The following SWAP70 variants were observed in gnomAD, a reference collection of about 807,000 sequenced individuals.
SWAP70 encodes switching B cell complex subunit SWAP70.
In SWAP70, 34 loss-of-function variants were observed where a neutral mutation model predicts 80.2. The ratio of observed to expected loss-of-function variants is 0.42; its 90% CI spans 0.32 to 0.56. The LOEUF is 0.56. Ranked by LOEUF, SWAP70 falls within the 20% of genes least tolerant of loss-of-function variation. The probability of loss-of-function intolerance (pLI) is 0.09; values close to 1 mark genes in which losing one functional copy is unlikely to be tolerated. For synonymous variants in SWAP70, 239 were observed against 238.5 expected, an observed-to-expected ratio of 1.00 and a Z score of -0.02; for missense variants, 578 against 690.7, an observed-to-expected ratio of 0.84 and a Z score of 1.83.
intron 1 of SWAP70, among the ~76,000 whole-genome samples, chr11:9,687,146 C>T (rs549075465): frequency 6.6e-5 from 10 of 152,210 alleles, no homozygotes; most frequent in East Asian, 1.9e-4. Context: ...TACGCAATTC[C>T]GTGTAGAAAT....
Position 9,698,097 on chromosome 11 carries a change from TTTG to T in SWAP70, c.240+3814_240+3816del, listed in dbSNP as rs1272005722. ...CACCATGCCTGGCCAATACATGTTT[TTTG>T]TTTTTTTTTTTTTTTTTTGAGACCA... On this transcript the variant is annotated intron_variant, in intron 2 of 11. Transcript: ENST00000318950. Among the ~76,000 whole-genome samples the T allele has an allele frequency of 3.0e-4, 40 of 133,516 alleles. 1 individual carries two copies. Among genetic ancestry groups the T allele is most frequent in the African/African-American group, 1.1e-3 (36 of 32,912 alleles). The allele number at this position is 133,516 out of a possible 152,430, so 87.6% of individuals were successfully genotyped here. A position where few individuals can be genotyped will look rare whatever the true frequency, so the allele number is the denominator to read the frequency against.
rs201181416 is a variant in SWAP70, at chr11:9,698,093, G to GTTTTT, written c.240+3809_240+3813dup. On this transcript the variant is annotated intron_variant, in intron 2 of 11. Transcript: ENST00000318950. The stretch of plus-strand genomic sequence containing the variant: ...GAGCCACCATGCCTGGCCAATACAT[G>GTTTTT]TTTTTTGTTTTTTTTTTTTTTTTTT... Among the ~76,000 whole-genome samples, 23 of 109,602 alleles carry GTTTTT rather than the reference G, an allele frequency of 2.1e-4. 1 individual carries two copies. Among genetic ancestry groups the GTTTTT allele is most frequent in the Non-Finnish European group, 2.9e-4 (16 of 54,870 alleles). 71.9% of individuals were successfully genotyped at this position (109,602 alleles called of 152,430 possible).
In SWAP70 at chr11:9,695,443, A is replaced by G. The variant is rs753649957; in HGVS notation, c.240+1157A>G. On this transcript the variant is annotated intron_variant, in intron 2 of 11. Transcript: ENST00000318950. ...CGCCATGGAATACTATGCTGCCCTA[A>G]AAAAGAGTGAGATCATGTCCTTTGC... 2.0e-4 allele frequency among the ~76,000 whole-genome samples: 31 copies of G among 152,172 alleles called. 1 individual carries two copies. The highest frequency in any genetic ancestry group is 4.1e-4 in the South Asian group (2 of 4,830).
At chr11:9,671,804 A>T (rs1850412040) in intron 1 of SWAP70, among the ~76,000 whole-genome samples, 1 of 95,822 alleles carries the variant, frequency 1.0e-5, no homozygotes, top group South Asian at 3.3e-4. Flanking sequence ...AAATATATAT[A>T]AATATAAATA....
intron 9 of SWAP70, 88 bp from the exon 10 acceptor site, chr11:9,747,770 T>A (rs1442400762): frequency 7.9e-7 from 1 of 1,263,100 alleles, no homozygotes; most frequent in African/African-American, 1.5e-5. Context: ...ACCTCAAATA[T>A]TCTCTTGTCT....
intron 7 of SWAP70, among the ~76,000 whole-genome samples, chr11:9,735,281 C>T (rs74735290): frequency 0.024 from 3,619 of 152,238 alleles, 170 homozygotes; most frequent in African/African-American, 0.083. Flanking sequence ...GTTCTGCCTC[C>T]AGTTTATTTC....
At chr11:9,711,787 G>A (rs1390683) in intron 2 of SWAP70, among the ~76,000 whole-genome samples, 49,601 of 151,928 alleles carry the variant, frequency 0.33, 8,343 homozygotes, top group Non-Finnish European at 0.35. Flanking sequence ...TAGCCTTTGC[G>A]TTAGATCTGT....
chr11:9,683,938 G>A (rs189951116), intron 1 of SWAP70, among the ~76,000 whole-genome samples: 4 of 152,100 alleles, frequency 2.6e-5, no homozygotes, highest in African/African-American at 9.7e-5. Flanking sequence ...GGGACCATGC[G>A]GGGTCAGGTT....
intron 3 of SWAP70, chr11:9,720,142 G>A: frequency 1.0e-6 from 1 of 985,176 alleles, no homozygotes; most frequent in Non-Finnish European, 1.2e-6. Context: ...AGTGGAGAAT[G>A]GTAATGTTTG....
chr11:9,748,799 T>C (rs770968192), intron 10 of SWAP70, among the ~76,000 whole-genome samples: 1 of 152,202 alleles, frequency 6.6e-6, no homozygotes, highest in South Asian at 2.1e-4. Flanking sequence ...CATACACCCA[T>C]TGTAATTCGT....
intron 1 of SWAP70, among the ~76,000 whole-genome samples, chr11:9,691,010 TCCTCCCA>T (rs2134444494): frequency 6.6e-6 from 1 of 152,032 alleles, no homozygotes; most frequent in East Asian, 1.9e-4. Flanking sequence ...GCTTAGGTGA[TCCTCCCA>T]CCTCAGCCTC....
chr11:9,739,842 A>C (rs1300855634), intron 8 of SWAP70, among the ~76,000 whole-genome samples: 1 of 152,238 alleles, frequency 6.6e-6, no homozygotes, highest in Non-Finnish European at 1.5e-5. Context: ...ATTGGTAAAA[A>C]GATTGTGACT....
intron 4 of SWAP70, among the ~76,000 whole-genome samples, chr11:9,726,225 C>G (rs568222393): frequency 1.1e-4 from 17 of 151,992 alleles, no homozygotes; most frequent in Non-Finnish European, 2.4e-4. Flanking sequence ...TTAGACTGTC[C>G]TCTTTTTCTC....
At chr11:9,709,247 C>T (rs1485901365) in intron 2 of SWAP70, among the ~76,000 whole-genome samples, 1 of 152,088 alleles carries the variant, frequency 6.6e-6, no homozygotes, top group South Asian at 2.1e-4. Flanking sequence ...GCCTCAGTCT[C>T]CCGAGTAGCT....
intron 1 of SWAP70, among the ~76,000 whole-genome samples, chr11:9,688,760 G>A (rs1401701600): frequency 6.6e-6 from 1 of 152,040 alleles, no homozygotes; most frequent in African/African-American, 2.4e-5. Flanking sequence ...GATTTTTGAG[G>A]CTGGTTAGAT....
At chr11:9,722,534 G>T (rs969802359) in intron 3 of SWAP70, among the ~76,000 whole-genome samples, 1 of 152,150 alleles carries the variant, frequency 6.6e-6, no homozygotes, top group Non-Finnish European at 1.5e-5. Context: ...TTGGTCCTTT[G>T]GTTGGTCTGA....
chr11:9,725,930 C>T (rs1011642605), intron 4 of SWAP70, among the ~76,000 whole-genome samples: 2 of 136,508 alleles, frequency 1.5e-5, no homozygotes, highest in African/African-American at 5.5e-5. Context: ...ATCTCCATGG[C>T]ATAACGTTGA....
Position 9,729,423 on chromosome 11 carries a change from TAAG to T in SWAP70, c.879_881del (p.Lys294del), listed in dbSNP as rs1354937329. On this transcript the variant is annotated inframe_deletion, in exon 6 of 12. Coordinates refer to ENST00000318950, the MANE Select transcript of SWAP70 (RefSeq NM_015055.4). ...AGACTTTTGAAATCAGTGCTTCAGA[TAAG>T]AAGAAGAAACAGGAGTGGATTCAAG... 3.7e-6 allele frequency: 6 copies of T among 1,612,498 alleles called. No individual in the cohort carries two copies. The highest frequency in any genetic ancestry group is 1.3e-5 in the African/African-American group (1 of 74,898).
intron 1 of SWAP70, among the ~76,000 whole-genome samples, chr11:9,675,720 CT>C (rs1850490732): frequency 2.7e-4 from 5 of 18,846 alleles, no homozygotes; most frequent in African/African-American, 5.4e-4. Context: ...TTTTTTTCTC[CT>C]TCCTTCTCCT....
Sources: gnomAD v4.1 joint callset for allele counts (sites outside exome capture counted in the v4.1 genomes callset) on GRCh38, gnomAD v4.1.1 for gene constraint, MANE v1.5 for transcripts, NCBI Gene and HGNC (gene_info 2026-07-23, HGNC 2026-07-21) for gene names.